Variants in IFT122 observed in about 807,000 individuals in gnomAD.
IFT122 encodes the protein intraflagellar transport protein 122 homolog.
IFT122 carries 118 observed loss-of-function variants against 161.6 expected under a neutral mutation model. The observed-to-expected ratio is 0.73, with a 90% confidence interval of 0.63 to 0.85. The LOEUF (loss-of-function observed/expected upper bound fraction) is 0.85, where lower values mean the gene tolerates loss of function less well. Ranked by LOEUF, IFT122 falls within the 40% of genes least tolerant of loss-of-function variation. The pLI, the probability that IFT122 is intolerant of heterozygous loss-of-function variation, is 0.00. For synonymous variants in IFT122, 550 were observed against 602.4 expected, an observed-to-expected ratio of 0.91 and a Z score of 1.27; for missense variants, 1,381 against 1,579.6, an observed-to-expected ratio of 0.87 and a Z score of 2.13.
chr3:129,515,417 G>A (rs1246249778), intron 25 of IFT122, 71 bp from the exon 26 acceptor site: 4 of 1,205,422 alleles, frequency 3.3e-6, no homozygotes, highest in African/African-American at 3.4e-5. Context: ...CCAGGGGCCT[G>A]AAGCCAGAGT....
At chr3:129,506,875 A>C (rs1488798250) in intron 22 of IFT122, among the ~76,000 whole-genome samples, 1 of 152,230 alleles carries the variant, frequency 6.6e-6, no homozygotes, top group Non-Finnish European at 1.5e-5. Flanking sequence ...TTAAATGAGA[A>C]GATGAACGAG....
In IFT122 at chr3:129,514,414, C is replaced by G; in HGVS notation, c.3013C>G (p.Gln1005Glu). The G allele has an allele frequency of 6.2e-7, 1 of 1,614,174 alleles. No individual in the cohort carries two copies. Among genetic ancestry groups the G allele is most frequent in the African/African-American group, 1.3e-5 (1 of 75,044 alleles). ...GAAAATACTCTTCACCTTGGCCAAGCAGAGCAAGGCCCTCGGTGCCTACAG... is the reference window on the plus strand; with the variant it reads ...GAAAATACTCTTCACCTTGGCCAAGGAGAGCAAGGCCCTCGGTGCCTACAG... ...KVKILFTLAK[Q>E]SKALGAYRLA... Residue 1005 changes from glutamine to glutamate, a missense_variant, in exon 25 of 30, where the codon CAG becomes GAG. This residue lies in a region of IFT122 where 496 missense variants were observed against 502.5 expected (regional missense o/e 0.99). Transcript: ENST00000348417.
chr3:129,463,373 T>C (rs981696084), intron 5 of IFT122, 187 bp from the exon 6 acceptor site: 16 of 570,460 alleles, frequency 2.8e-5, no homozygotes, highest in Middle Eastern at 9.2e-4. Flanking sequence ...TTCTATAATT[T>C]TGTCATTCAA....
At chr3:129,451,831 AAAC>A (rs1180332150) in intron 2 of IFT122, 80 bp from the exon 3 acceptor site, 5 of 1,191,220 alleles carry the variant, frequency 4.2e-6, no homozygotes, top group Non-Finnish European at 5.0e-6. Flanking sequence ...ATTGTTATAA[AAAC>A]AAAAATAGCA....
intron 4 of IFT122, among the ~76,000 whole-genome samples, chr3:129,460,372 T>C (rs2076088981): frequency 6.6e-6 from 1 of 152,196 alleles, no homozygotes; most frequent in Non-Finnish European, 1.5e-5. Flanking sequence ...GGCTCATCTG[T>C]GTTGTAGCAT....
At chr3:129,484,546 C>A (rs554719261) in intron 15 of IFT122, among the ~76,000 whole-genome samples, 1 of 152,140 alleles carries the variant, frequency 6.6e-6, no homozygotes, top group Non-Finnish European at 1.5e-5. Context: ...TATGTGTATA[C>A]GTATTGCTAC....
chr3:129,519,091 G>T lies in IFT122; in HGVS notation c.3392-16G>T. 1.9e-6 allele frequency: 3 copies of T among 1,611,660 alleles called. No homozygotes were observed. In the South Asian group the frequency reaches 3.3e-5, roughly 18 times the overall value. On this transcript the variant is annotated splice_polypyrimidine_tract_variant and intron_variant, in intron 27 of 29. Coordinates refer to ENST00000348417, the MANE Select transcript of IFT122 (RefSeq NM_052989.3). ...CATCTCTGCTTCTGATTCCATCCTT[G>T]ACCAGATCCCTCCAGGCTCCCAGAT...
chr3:129,469,301 G>C, intron 8 of IFT122, 41 bp from the exon 9 acceptor site: 1 of 1,521,788 alleles, frequency 6.6e-7, no homozygotes, highest in Non-Finnish European at 9.1e-7. Context: ...TCATCAGCAG[G>C]CTGTGGCCCT....
chr3:129,440,437 G>C, intron 1 of IFT122, 66 bp downstream of exon 1: 5 of 1,536,708 alleles, frequency 3.3e-6, no homozygotes, highest in Non-Finnish European at 4.4e-6. Flanking sequence ...GCGAGCCGCT[G>C]CAGCGTGTTT....
intron 11 of IFT122, 47 bp downstream of exon 11, chr3:129,476,848 G>A (rs1433932827): frequency 1.2e-6 from 2 of 1,612,344 alleles, no homozygotes; most frequent in Non-Finnish European, 1.7e-6. Flanking sequence ...GTGGAAGCAG[G>A]TGGAAAGGGC....
chr3:129,518,974 C>T, intron 27 of IFT122, 133 bp from the exon 28 acceptor site: 1 of 800,770 alleles, frequency 1.2e-6, no homozygotes, highest in East Asian at 2.5e-5. Context: ...GCCTGAGCCC[C>T]CTCTGTTCCT....
intron 3 of IFT122, among the ~76,000 whole-genome samples, chr3:129,454,032 T>C (rs2075160147): frequency 6.6e-6 from 1 of 152,206 alleles, no homozygotes. Context: ...TTATAATTCT[T>C]GAATGAACCT....
chr3:129,459,529 A>G (rs575004134), intron 4 of IFT122: 83 of 221,394 alleles, frequency 3.7e-4, no homozygotes, highest in Middle Eastern at 1.9e-3. Context: ...GACTACATCT[A>G]TTTTTTTTTT....
chr3:129,500,510 G>A (rs1032781615), intron 19 of IFT122, among the ~76,000 whole-genome samples: 1 of 152,206 alleles, frequency 6.6e-6, no homozygotes, highest in Non-Finnish European at 1.5e-5. Flanking sequence ...GCTGGATGTC[G>A]ATGCCAACTA....
rs771092154 is a variant in IFT122, at chr3:129,512,320, G to A, written c.2895G>A (p.Pro965=). 24 of 1,612,788 alleles carry A rather than the reference G, an allele frequency of 1.5e-5. No individual in the cohort carries two copies. The highest frequency in any genetic ancestry group is 3.3e-5 in the Admixed American group (2 of 60,008). ...CTTTTCTCTCACTGCAGGAAGATCC[G>A]TTCAGTGTCCATCGTCCTGAAACTC... ...YHAIHRHTED[P]FSVHRPETLF... The change falls in exon 24 of 30, where the codon CCG becomes CCA. Residue 965 remains proline, a synonymous_variant. Coordinates refer to ENST00000348417, the MANE Select transcript of IFT122 (RefSeq NM_052989.3).
Position 129,499,943 on chromosome 3 carries a change from A to G in IFT122, c.2250A>G (p.Leu750=), listed in dbSNP as rs374367343. ...GSGDPKETKM[L]ITKQADWARN... is the part of the protein sequence containing the mutation. ...GAGACCCCAAAGAAACAAAGATGCT[A>G]ATCACCAAACAGGCTGACTGGGCCA... The change falls in exon 19 of 30, where the codon CTA becomes CTG. Residue 750 remains leucine (L), a synonymous_variant. Coordinates refer to ENST00000348417, the MANE Select transcript of IFT122 (RefSeq NM_052989.3). The G allele has an allele frequency of 6.2e-7, 1 of 1,614,226 alleles. No individual in the cohort carries two copies. Among genetic ancestry groups the G allele is most frequent in the Non-Finnish European group, 8.5e-7 (1 of 1,180,040 alleles).
chr3:129,450,461 C>T (rs2074632723), intron 2 of IFT122, among the ~76,000 whole-genome samples: 1 of 152,144 alleles, frequency 6.6e-6, no homozygotes, highest in Admixed American at 6.5e-5. Flanking sequence ...ACCAAAAAAC[C>T]TTTGTATGAT....
intron 11 of IFT122, among the ~76,000 whole-genome samples, chr3:129,477,570 T>G (rs1384848389): frequency 6.6e-6 from 1 of 152,186 alleles, no homozygotes; most frequent in Non-Finnish European, 1.5e-5. Flanking sequence ...AGTGTCCCCC[T>G]TAGGGACATT....
At chr3:129,489,636 G>A (rs1375911192) in intron 16 of IFT122, among the ~76,000 whole-genome samples, 2 of 151,948 alleles carry the variant, frequency 1.3e-5, no homozygotes, top group East Asian at 1.9e-4. Flanking sequence ...TCAGGAGATC[G>A]AGACCATCCT....
Sources: allele counts gnomAD v4.1 joint callset (sites outside exome capture counted in the v4.1 genomes callset), GRCh38; gene constraint gnomAD v4.1.1; regional missense constraint gnomAD v4.1.1; transcripts MANE v1.5; gene names NCBI Gene and HGNC (gene_info 2026-07-23, HGNC 2026-07-21).